Variants in EYS observed in about 807,000 individuals in gnomAD.
EYS encodes the protein EGF-like photoreceptor maintenance factor.
A neutral mutation model predicts 282.1 loss-of-function variants in EYS; 250 were observed. The ratio of observed to expected loss-of-function variants is 0.89; its 90% confidence interval spans 0.80 to 0.98. EYS has a LOEUF of 0.98. EYS is among the 50% of genes least tolerant of loss of function. The probability of loss-of-function intolerance (pLI) is 0.00; values close to 1 mark genes in which losing one functional copy is unlikely to be tolerated. For synonymous variants in EYS, 1,355 were observed against 1,282.9 expected, an observed-to-expected ratio of 1.06 and a Z score of -1.20; for missense variants, 4,016 against 3,709.0, an observed-to-expected ratio of 1.08 and a Z score of -2.15.
intron 11 of EYS, among the ~76,000 whole-genome samples, chr6:65,328,374 T>G (rs1402222201): frequency 6.6e-6 from 1 of 151,488 alleles, no homozygotes; most frequent in Non-Finnish European, 1.5e-5. Flanking sequence ...TTTGTCATAA[T>G]AATTAATAAA....
In EYS at chr6:65,100,724, G is replaced by C. The variant is rs184701144; in HGVS notation, c.2024-42997C>G. Among the ~76,000 whole-genome samples, 152 of 150,404 alleles carry C rather than the reference G, an allele frequency of 1.0e-3. 1 individual carries two copies. The highest frequency in any genetic ancestry group is 3.4e-3 in the Middle Eastern group (1 of 294). ...AGAAACAGAATTGGAAAAGTCTATT[G>C]CTGACTTCGTTTGTTTTACCAAATC... On this transcript the variant is annotated intron_variant, in intron 12 of 42. Coordinates refer to ENST00000503581, the MANE Select transcript of EYS (RefSeq NM_001142800.2).
Position 65,402,470 on chromosome 6 carries a change from A to G in EYS, c.1184+8T>C. The G allele has an allele frequency of 6.8e-7, 1 of 1,472,954 alleles. No homozygotes were observed. The highest frequency in any genetic ancestry group is 9.5e-7 in the Non-Finnish European group (1 of 1,053,720). 91.2% of individuals were successfully genotyped at this position (1,472,954 alleles called of 1,614,324 possible). A position where few individuals can be genotyped will look rare whatever the true frequency, so the allele number is the denominator to read the frequency against. On this transcript the variant is annotated splice_region_variant and intron_variant, in intron 7 of 42. Transcript: ENST00000503581. ...TTGTATTAAAAATAAACAGAAAATT[A>G]ATTATACCTGCAAGGATAATCTTTC... is the stretch of plus-strand genomic sequence containing the variant.
chr6:64,376,852 C>G (rs1003137729), intron 29 of EYS, among the ~76,000 whole-genome samples: 2 of 152,092 alleles, frequency 1.3e-5, no homozygotes, highest in African/African-American at 4.8e-5. Flanking sequence ...CCTATATTTT[C>G]TATCTCAGGA....
intron 11 of EYS, among the ~76,000 whole-genome samples, chr6:65,313,174 T>C (rs1769207116): frequency 1.3e-5 from 2 of 152,124 alleles, no homozygotes; most frequent in Admixed American, 6.5e-5. Context: ...TGAGATATTA[T>C]GTTGGAGTCA....
chr6:64,324,356 G>A (rs569236259), intron 29 of EYS, among the ~76,000 whole-genome samples: 1 of 152,252 alleles, frequency 6.6e-6, no homozygotes, highest in East Asian at 1.9e-4. Flanking sequence ...GTGATTCACT[G>A]CATAAACAGA....
chr6:64,499,729 C>T (rs1044475277), intron 26 of EYS, among the ~76,000 whole-genome samples: 1 of 151,956 alleles, frequency 6.6e-6, no homozygotes, highest in Non-Finnish European at 1.5e-5. Flanking sequence ...TTAGTTGCTT[C>T]CCCTTATCAA....
intron 26 of EYS, among the ~76,000 whole-genome samples, chr6:64,537,795 T>A (rs1386650772): frequency 6.6e-6 from 1 of 152,222 alleles, no homozygotes; most frequent in Non-Finnish European, 1.5e-5. Flanking sequence ...AGACTTATTC[T>A]TTTGTTCTTG....
At chr6:65,137,419 C>T (rs1776052044) in intron 12 of EYS, among the ~76,000 whole-genome samples, 1 of 152,026 alleles carries the variant, frequency 6.6e-6, no homozygotes, top group Admixed American at 6.6e-5. Context: ...AGACTGTACC[C>T]AGACTGTGGG....
intron 30 of EYS, among the ~76,000 whole-genome samples, chr6:64,276,579 C>G (rs200074323): frequency 2.2e-4 from 33 of 151,878 alleles, no homozygotes; most frequent in Admixed American, 5.9e-4. Context: ...AGAGACTGAA[C>G]AAGCCACACT....
At chr6:65,231,063 G>GTAAAAGTACATATATATA (rs2150267615) in intron 12 of EYS, among the ~76,000 whole-genome samples, 2 of 46,884 alleles carry the variant, frequency 4.3e-5, no homozygotes, top group South Asian at 2.2e-3. Context: ...ATATATATAT[G>GTAAAAGTACATATATATA]TACTTTTATA....
At chr6:64,143,809 A>G (rs891204170) in intron 31 of EYS, among the ~76,000 whole-genome samples, 2 of 152,188 alleles carry the variant, frequency 1.3e-5, no homozygotes, top group Non-Finnish European at 2.9e-5. Context: ...AGTTTCTGGT[A>G]TATATATAGT....
intron 36 of EYS, among the ~76,000 whole-genome samples, chr6:63,819,773 A>G (rs553511989): frequency 1.4e-4 from 21 of 152,284 alleles, no homozygotes; most frequent in African/African-American, 3.9e-4. Flanking sequence ...AACTCCCTCA[A>G]AAGAAATGGT....
intron 5 of EYS, among the ~76,000 whole-genome samples, chr6:65,451,475 C>T (rs1036000415): frequency 7.2e-5 from 11 of 151,956 alleles, no homozygotes; most frequent in Admixed American, 6.6e-5. Flanking sequence ...AATGTAAATG[C>T]TCAATAAATA....
Position 63,721,299 on chromosome 6 carries a change from T to C in EYS, c.8732A>G (p.Asn2911Ser). Reference protein sequence around the residue: ...CLPDWAGNTCNQSVSCLNNLC... With the variant: ...CLPDWAGNTCSQSVSCLNNLC... ...ATTATTCAAACAGGACACAGACTGG[T>C]TACATGTATTTCCAGCCCAATCTGG... The change falls in exon 43 of 43, where the codon AAC becomes AGC. Residue 2911 changes from asparagine (N) to serine (S), a missense_variant. Transcript: ENST00000503581. The C allele has an allele frequency of 1.9e-6, 3 of 1,551,948 alleles. No individual in the cohort carries two copies. The highest frequency in any genetic ancestry group is 1.2e-5 in the South Asian group (1 of 84,060).
chr6:63,751,632 C>T (rs1769342431), intron 41 of EYS, among the ~76,000 whole-genome samples: 1 of 152,136 alleles, frequency 6.6e-6, no homozygotes, highest in Non-Finnish European at 1.5e-5. Context: ...TAGGTACACA[C>T]CTAGTTACTG....
intron 28 of EYS, among the ~76,000 whole-genome samples, chr6:64,401,803 C>G (rs1430813994): frequency 6.6e-6 from 1 of 151,926 alleles, no homozygotes; most frequent in Non-Finnish European, 1.5e-5. Context: ...GGAACTGTCC[C>G]CAGATTCCAC....
chr6:64,666,156 G>A (rs1210417265), intron 22 of EYS, among the ~76,000 whole-genome samples: 4 of 152,104 alleles, frequency 2.6e-5, no homozygotes, highest in African/African-American at 9.7e-5. Flanking sequence ...CTTAATACCT[G>A]GCTGATGAAA....
intron 31 of EYS, among the ~76,000 whole-genome samples, chr6:64,159,492 G>A (rs948670556): frequency 1.5e-4 from 22 of 149,750 alleles, no homozygotes; most frequent in African/African-American, 5.2e-4. Context: ...CCCGGGAGGC[G>A]GAGCTTGTAG....
At chr6:64,064,669 G>T (rs935571378) in intron 33 of EYS, among the ~76,000 whole-genome samples, 2 of 152,102 alleles carry the variant, frequency 1.3e-5, no homozygotes, top group Non-Finnish European at 2.9e-5. Context: ...AATCTGAATG[G>T]TTTGAGGACT....
Sources: allele counts gnomAD v4.1 joint callset (sites outside exome capture counted in the v4.1 genomes callset), GRCh38; gene constraint gnomAD v4.1.1; transcripts MANE v1.5; gene names NCBI Gene and HGNC (gene_info 2026-07-23, HGNC 2026-07-21).